Variants in DGKB observed in about 807,000 individuals in gnomAD.
The protein encoded by DGKB is diacylglycerol kinase beta.
In DGKB, 67 loss-of-function variants were observed where a neutral mutation model predicts 114.3. The ratio of observed to expected loss-of-function variants is 0.59; its 90% confidence interval spans 0.48 to 0.72. DGKB has a LOEUF of 0.72. Ranked by LOEUF, DGKB falls within the 30% of genes least tolerant of loss-of-function variation. The pLI, the probability that DGKB is intolerant of heterozygous loss-of-function variation, is 0.00. For missense variants in DGKB, 907 were observed against 975.2 expected (o/e 0.93, Z 0.93); for synonymous variants, 398 against 323.1 (o/e 1.23, Z -2.49).
intron 1 of DGKB, among the ~76,000 whole-genome samples, chr7:14,857,258 T>TTGTGTGTGTGTGTG (rs140695633): frequency 0.025 from 3,488 of 138,310 alleles, 153 homozygotes; most frequent in African/African-American, 0.086. Context: ...CTGTGTGTGT[T>TTGTGTGTGTGTGTG]TGTGTGTGTG....
chr7:14,654,163 A>T (rs528546911), intron 13 of DGKB, among the ~76,000 whole-genome samples: 3 of 152,102 alleles, frequency 2.0e-5, no homozygotes, highest in Non-Finnish European at 4.4e-5. Context: ...AACTCTTATG[A>T]CTAAGAAATG....
At chr7:14,524,639 C>G (rs1037385664) in intron 20 of DGKB, among the ~76,000 whole-genome samples, 1 of 151,700 alleles carries the variant, frequency 6.6e-6, no homozygotes, top group African/African-American at 2.4e-5. Context: ...GCCTGTAGTC[C>G]CAGCCATTCG....
chr7:14,331,677 A>C (rs1394704669), intron 23 of DGKB, among the ~76,000 whole-genome samples: 4 of 152,110 alleles, frequency 2.6e-5, no homozygotes, highest in African/African-American at 9.7e-5. Context: ...GCTCTTCCAA[A>C]ACTCATCTTT....
chr7:14,966,281 C>T (rs1451803708), intron 1 of DGKB, among the ~76,000 whole-genome samples: 1 of 151,866 alleles, frequency 6.6e-6, no homozygotes, highest in South Asian at 2.1e-4. Context: ...TTTTTTATAC[C>T]TCACATAGCA....
intron 25 of DGKB, among the ~76,000 whole-genome samples, chr7:14,160,142 T>TGGG (rs1491278666): frequency 6.6e-6 from 1 of 152,118 alleles, no homozygotes; most frequent in Non-Finnish European, 1.5e-5. Context: ...ATAATAGCTA[T>TGGG]TTATGACAAA....
intron 15 of DGKB, among the ~76,000 whole-genome samples, chr7:14,614,158 G>A (rs187515366): frequency 6.6e-6 from 1 of 152,206 alleles, no homozygotes; most frequent in East Asian, 1.9e-4. Flanking sequence ...TTATATTATA[G>A]TGGAGAAATA....
intron 1 of DGKB, among the ~76,000 whole-genome samples, chr7:14,857,206 G>GTCTCTCTCTC (rs36093995): frequency 6.8e-6 from 1 of 146,478 alleles, no homozygotes; most frequent in Non-Finnish European, 1.5e-5. Flanking sequence ...CTCTCTCTCT[G>GTCTCTCTCTC]TCTCTCTCTC....
At chr7:14,732,903 C>G (rs1407174361) in intron 5 of DGKB, among the ~76,000 whole-genome samples, 1 of 152,150 alleles carries the variant, frequency 6.6e-6, no homozygotes, top group Non-Finnish European at 1.5e-5. Flanking sequence ...GAATTGTTCT[C>G]TTTCTTCCAT....
intron 4 of DGKB, among the ~76,000 whole-genome samples, chr7:14,753,489 A>G (rs1313462510): frequency 1.3e-5 from 2 of 152,066 alleles, no homozygotes; most frequent in East Asian, 1.9e-4. Flanking sequence ...CACATATTCT[A>G]TCACAGCACT....
chr7:14,782,757 G>A (rs1386902718), intron 2 of DGKB, among the ~76,000 whole-genome samples: 3 of 152,118 alleles, frequency 2.0e-5, no homozygotes, highest in East Asian at 1.9e-4. Context: ...AAGTCTATTC[G>A]AGGTTAGTGT....
At chr7:14,649,259 C>G (rs940206263) in intron 13 of DGKB, among the ~76,000 whole-genome samples, 1 of 151,162 alleles carries the variant, frequency 6.6e-6, no homozygotes, top group Non-Finnish European at 1.5e-5. Context: ...GGTCGGGTTC[C>G]CCTCAAAGGG....
intron 5 of DGKB, 45 bp downstream of exon 5, chr7:14,735,996 C>G: frequency 8.3e-7 from 1 of 1,198,320 alleles, no homozygotes; most frequent in Non-Finnish European, 1.1e-6. Flanking sequence ...TTTATTTAGC[C>G]TTTGAAATTT....
At position 14,919,103 on chromosome 7, in the gene DGKB, C is replaced by CACAA. The variant is rs1283135422; in HGVS notation, c.-188+55592_-188+55593insTTGT. Among the ~76,000 whole-genome samples, 5 of 132,376 alleles carry CACAA rather than the reference C, an allele frequency of 3.8e-5. No individual in the cohort carries two copies. The South Asian group carries it at 1.2e-3, about 31-fold the overall frequency. 86.8% of individuals were successfully genotyped at this position (132,376 alleles called of 152,430 possible). A position where few individuals can be genotyped will look rare whatever the true frequency, so the allele number is the denominator to read the frequency against. On this transcript the variant is annotated intron_variant, in intron 1 of 4. Coordinates refer to the DGKB transcript ENST00000437998. ...ACACACACACACACACAAACACACA[C>CACAA]ACACACACACACACACACACAAAGT...
chr7:14,462,921 C>G (rs1029001523), intron 21 of DGKB, among the ~76,000 whole-genome samples: 2 of 151,968 alleles, frequency 1.3e-5, no homozygotes, highest in African/African-American at 4.8e-5. Context: ...AGAACATAGG[C>G]CTCAGGAATA....
At chr7:14,824,094 C>T (rs778138765) in intron 2 of DGKB, among the ~76,000 whole-genome samples, 1 of 152,034 alleles carries the variant, frequency 6.6e-6, no homozygotes, top group Non-Finnish European at 1.5e-5. Context: ...CATCAGATCT[C>T]ATGAGACTTA....
intron 2 of DGKB, among the ~76,000 whole-genome samples, chr7:14,801,963 C>T (rs889635578): frequency 1.3e-5 from 2 of 150,762 alleles, no homozygotes; most frequent in Admixed American, 6.6e-5. Context: ...CACATATACC[C>T]CACACATACA....
chr7:14,596,796 T>TTC (rs1802659294), intron 17 of DGKB, among the ~76,000 whole-genome samples: 5 of 152,182 alleles, frequency 3.3e-5, no homozygotes, highest in Admixed American at 2.6e-4. Context: ...GGGGGAGGGC[T>TTC]CTTAATTATC....
chr7:14,560,319 C>T (rs1215673632), intron 20 of DGKB, among the ~76,000 whole-genome samples: 1 of 152,130 alleles, frequency 6.6e-6, no homozygotes, highest in Non-Finnish European at 1.5e-5. Flanking sequence ...ATCCCTCTAG[C>T]TTTACTGAAA....
intron 2 of DGKB, among the ~76,000 whole-genome samples, chr7:14,803,235 C>A (rs1051854289): frequency 3.9e-5 from 6 of 152,014 alleles, no homozygotes; most frequent in Non-Finnish European, 7.4e-5. Context: ...AGTCACAGCA[C>A]CAGTCTTGAG....
Sources: allele counts gnomAD v4.1 joint callset (sites outside exome capture counted in the v4.1 genomes callset), GRCh38; gene constraint gnomAD v4.1.1; transcripts MANE v1.5; gene names NCBI Gene and HGNC (gene_info 2026-07-23, HGNC 2026-07-21).